The following CNOT1 variants were observed in gnomAD, a reference collection of about 807,000 sequenced individuals.
The protein encoded by CNOT1 is CCR4-NOT transcription complex subunit 1.
A neutral mutation model predicts 273.8 loss-of-function variants in CNOT1; 15 were observed. The ratio of observed to expected loss-of-function variants is 0.05; its 90% confidence interval spans 0.04 to 0.08. The LOEUF is 0.08. CNOT1 is among the 10% of genes least tolerant of loss of function. The probability of loss-of-function intolerance (pLI) is 1.00; values close to 1 mark genes in which losing one functional copy is unlikely to be tolerated. For synonymous variants in CNOT1, 1,022 were observed against 1,005.5 expected, an observed-to-expected ratio of 1.02 and a Z score of -0.31; for missense variants, 1,644 against 2,912.2, an observed-to-expected ratio of 0.56 and a Z score of 10.02.
intron 40 of CNOT1, among the ~76,000 whole-genome samples, chr16:58,533,557 A>C (rs940754830): frequency 5.3e-5 from 8 of 152,212 alleles, no homozygotes; most frequent in Admixed American, 1.3e-4. Flanking sequence ...AATGGCGTGA[A>C]TCTGGGAGGC....
At chr16:58,597,412 T>C (rs1311008957) in intron 2 of CNOT1, among the ~76,000 whole-genome samples, 1 of 151,582 alleles carries the variant, frequency 6.6e-6, no homozygotes, top group Non-Finnish European at 1.5e-5. Flanking sequence ...GAAAAGGAGG[T>C]TGCAGTGAGC....
intron 41 of CNOT1, 50 bp downstream of exon 41, chr16:58,532,179 TTAC>T (rs1241995815): frequency 3.7e-6 from 6 of 1,605,562 alleles, no homozygotes; most frequent in African/African-American, 1.3e-5. Context: ...TCCCAAAATT[TTAC>T]TACATTAATC....
At position 58,520,908 on chromosome 16, in the gene CNOT1, G is replaced by C; in HGVS notation, c.*50C>G. The C allele has an allele frequency of 6.4e-7, 1 of 1,557,484 alleles. No individual in the cohort carries two copies. The highest frequency in any genetic ancestry group is 8.8e-7 in the Non-Finnish European group (1 of 1,135,996). On this transcript the variant is annotated 3_prime_UTR_variant, in exon 49 of 49. Transcript: ENST00000317147. Reference sequence around the variant, plus strand: ...GATTCTTCAGTCAGTTTATGAACTCGGTGCAGTGAGACCTCTAGACTGACA... The same window carrying C: ...GATTCTTCAGTCAGTTTATGAACTCCGTGCAGTGAGACCTCTAGACTGACA...
chr16:58,571,007 A>T (rs1169051601), intron 16 of CNOT1, among the ~76,000 whole-genome samples: 3 of 152,236 alleles, frequency 2.0e-5, no homozygotes, highest in Non-Finnish European at 4.4e-5. Context: ...GGCAGAATGT[A>T]GTAAACACAA....
chr16:58,583,338 G>A (rs1451906115), intron 8 of CNOT1, among the ~76,000 whole-genome samples, 156 bp from the exon 9 acceptor site: 1 of 152,080 alleles, frequency 6.6e-6, no homozygotes, highest in Non-Finnish European at 1.5e-5. Context: ...TATACAGCTA[G>A]GAATGTAAAA....
intron 40 of CNOT1, chr16:58,532,605 A>G (rs1001260654): frequency 5.1e-6 from 4 of 790,102 alleles, no homozygotes; most frequent in Non-Finnish European, 7.6e-6. Context: ...TTGCATTTCA[A>G]CATCCTTGGA....
intron 35 of CNOT1, among the ~76,000 whole-genome samples, chr16:58,539,290 T>C (rs1159627482): frequency 1.3e-5 from 2 of 151,914 alleles, no homozygotes; most frequent in African/African-American, 4.8e-5. Flanking sequence ...GCCCAGGAGA[T>C]TGAGAACGAC....
At chr16:58,626,530 C>T (rs1597635025) in intron 1 of CNOT1, among the ~76,000 whole-genome samples, 1 of 151,264 alleles carries the variant, frequency 6.6e-6, no homozygotes, top group Non-Finnish European at 1.5e-5. Context: ...GGGAGGCCGA[C>T]GCGGGTGGAT....
rs367939417 is a variant in CNOT1, at chr16:58,581,111, T to G, written c.1215+234A>C. On this transcript the variant is annotated intron_variant, in intron 11 of 48. Coordinates refer to ENST00000317147, the MANE Select transcript of CNOT1 (RefSeq NM_016284.5). ...GGGAAACTTAACGTTGCCTTGGAAA[T>G]GAACATCATTAAACTATTGGGAAAA... is the stretch of plus-strand genomic sequence containing the variant. Among the ~76,000 whole-genome samples, 14 of 149,690 alleles carry G rather than the reference T, an allele frequency of 9.4e-5. No individual in the cohort carries two copies. The East Asian group carries it at 2.0e-3, about 21-fold the overall frequency.
At chr16:58,581,620 T>TA in intron 10 of CNOT1, 105 bp from the exon 11 acceptor site, 1 of 1,424,620 alleles carries the variant, frequency 7.0e-7, no homozygotes, top group Non-Finnish European at 9.2e-7. Context: ...ATGTTCTACT[T>TA]ACAAAATTTT....
rs375339713 is a variant in CNOT1 at position 58,592,362 on chromosome 16, TA to T, written c.103-3457del. ...ACTTAAAAAAAAAAATCTTCCCTAT[TA>T]ACACGGTATTAAAAATACTGAGTGG... On this transcript the variant is annotated intron_variant, in intron 2 of 48. Transcript: ENST00000317147. Among the ~76,000 whole-genome samples the T allele has an allele frequency of 5.8e-3, 879 of 152,298 alleles. 7 individuals are homozygous for T. Among genetic ancestry groups the T allele is most frequent in the Non-Finnish European group, 8.8e-3 (601 of 68,030 alleles).
At chr16:58,559,767 AG>A (rs2040766252) in intron 17 of CNOT1, 1 of 499,272 alleles carries the variant, frequency 2.0e-6, no homozygotes, top group Non-Finnish European at 4.1e-6. Flanking sequence ...CCCAGAGAGA[AG>A]GGGGTGGTTG....
rs2040292250 is a variant in CNOT1, at chr16:58,547,416, T to A, written c.3640-120A>T. ...AAACAGGAATCAACATAATGTCTAG[T>A]CCTTGCCTTACAAAAAGGGGTTAAC... On this transcript the variant is annotated intron_variant, in intron 26 of 48. Transcript: ENST00000317147. This position sits in a 1 kb window ranked among gnomAD's most constrained non-coding sequence, Gnocchi z 4.0. The A allele has an allele frequency of 6.6e-7, 1 of 1,522,300 alleles. No individual in the cohort carries two copies. The highest frequency in any genetic ancestry group is 8.8e-7 in the Non-Finnish European group (1 of 1,130,184). 94.3% of individuals were successfully genotyped at this position (1,522,300 alleles called of 1,614,324 possible).
intron 16 of CNOT1, among the ~76,000 whole-genome samples, chr16:58,571,620 TA>T (rs1183896736): frequency 3.3e-5 from 5 of 151,794 alleles, no homozygotes; most frequent in Non-Finnish European, 5.9e-5. Context: ...CACATGTACT[TA>T]AAAACAAAGC....
At chr16:58,617,068 CA>C (rs2043115215) in intron 1 of CNOT1, among the ~76,000 whole-genome samples, 1 of 152,162 alleles carries the variant, frequency 6.6e-6, no homozygotes, top group Admixed American at 6.5e-5. Flanking sequence ...TGAAATTAAA[CA>C]TCTTGCAAGA....
chr16:58,549,253 C>T (rs185492456), intron 25 of CNOT1, among the ~76,000 whole-genome samples: 2 of 144,754 alleles, frequency 1.4e-5, no homozygotes, highest in Non-Finnish European at 3.0e-5. Flanking sequence ...TGCCACTGCA[C>T]TCCAGCCTAA....
intron 16 of CNOT1, among the ~76,000 whole-genome samples, chr16:58,562,905 C>A (rs1454398502): frequency 6.6e-6 from 1 of 152,010 alleles, no homozygotes; most frequent in Non-Finnish European, 1.5e-5. Flanking sequence ...TTACTACTGG[C>A]ATTAAGAAGT....
intron 10 of CNOT1, among the ~76,000 whole-genome samples, chr16:58,582,406 T>TA (rs1247484753): frequency 6.6e-6 from 1 of 152,226 alleles, no homozygotes; most frequent in Admixed American, 6.5e-5. Flanking sequence ...GCCCAGGAGT[T>TA]AAAGTCCAAT....
chr16:58,588,628 C>T (rs896560320), intron 3 of CNOT1, among the ~76,000 whole-genome samples, 171 bp downstream of exon 3: 2 of 151,996 alleles, frequency 1.3e-5, no homozygotes, highest in African/African-American at 4.8e-5. Flanking sequence ...AGTCTACAGC[C>T]AGGCAGAAGG....
Sources: gnomAD v4.1 joint callset for allele counts (sites outside exome capture counted in the v4.1 genomes callset) on GRCh38, gnomAD v4.1.1 for gene constraint, Gnocchi (gnomAD v3.1) non-coding constraint, MANE v1.5 for transcripts, NCBI Gene and HGNC (gene_info 2026-07-23, HGNC 2026-07-21) for gene names.